Variants in JPH2 observed in about 807,000 individuals in gnomAD.
The protein encoded by JPH2 is junctophilin 2, also known as junctophilin-2.
In JPH2, 38 loss-of-function variants were observed where a neutral mutation model predicts 55.9. The ratio of observed to expected loss-of-function variants is 0.68; its 90% confidence interval spans 0.52 to 0.89. The LOEUF (loss-of-function observed/expected upper bound fraction) is 0.89. Among genes scored for constraint, JPH2 ranks in the 40% least tolerant of loss-of-function variants. The pLI, the probability that JPH2 is intolerant of heterozygous loss-of-function variation, is 0.00. For synonymous variants in JPH2, 480 were observed against 472.4 expected (o/e 1.02, Z -0.21); for missense variants, 964 against 1,037.6 (o/e 0.93, Z 0.97).
In JPH2 at chr20:44,160,098, A is replaced by T; in HGVS notation, c.689T>A (p.Leu230Gln). 1 of 1,528,836 alleles carries T rather than the reference A, an allele frequency of 6.5e-7. No individual in the cohort carries two copies. The highest frequency in any genetic ancestry group is 8.7e-7 in the Non-Finnish European group (1 of 1,142,932). The allele number at this position is 1,528,836 out of a possible 1,614,324, so 94.7% of individuals were successfully genotyped here. A position where few individuals can be genotyped will look rare whatever the true frequency, so the allele number is the denominator to read the frequency against. The part of the protein sequence containing the change: ...LFQRGALLGK[L>Q]RRAESRTSVG... ...GGACGTGCGCGACTCTGCGCGCCGCAGCTTGCCCAGCAGCGCGCCCCGCTG... is the reference window on the plus strand; with the variant it reads ...GGACGTGCGCGACTCTGCGCGCCGCTGCTTGCCCAGCAGCGCGCCCCGCTG... Residue 230 changes from leucine to glutamine, a missense_variant, in exon 2 of 6, where the codon CTG becomes CAG. Transcript: ENST00000372980. This position sits in a 1 kb window ranked among gnomAD's most constrained non-coding sequence, Gnocchi z 4.9.
intron 4 of JPH2, 61 bp from the exon 5 acceptor site, chr20:44,114,937 G>A: frequency 1.5e-6 from 2 of 1,336,244 alleles, no homozygotes; most frequent in South Asian, 1.2e-5. Context: ...CCCCCACCCA[G>A]GTCACAGCAA....
intron 2 of JPH2, among the ~76,000 whole-genome samples, chr20:44,132,353 CAGA>C (rs1156476904): frequency 1.1e-4 from 10 of 90,746 alleles, no homozygotes; most frequent in African/African-American, 2.3e-4. Flanking sequence ...GGCAGACAGA[CAGA>C]CACACACACA....
intron 2 of JPH2, among the ~76,000 whole-genome samples, chr20:44,128,860 A>G (rs6031407): frequency 0.58 from 87,394 of 151,886 alleles, 25,465 homozygotes; most frequent in South Asian, 0.69. Flanking sequence ...TTAACATGGT[A>G]GTGTATTCCA....
At chr20:44,134,649 T>TATTTATAAA (rs2072385658) in intron 2 of JPH2, among the ~76,000 whole-genome samples, 1 of 39,308 alleles carries the variant, frequency 2.5e-5, no homozygotes, top group Non-Finnish European at 4.0e-5. Context: ...ATATAAATAT[T>TATTTATAAA]TATTATAAAT....
chr20:44,176,940 C>A, intron 1 of JPH2: 1 of 985,486 alleles, frequency 1.0e-6, no homozygotes, highest in Non-Finnish European at 1.2e-6. Flanking sequence ...CCAGCTCTAC[C>A]CCATCCACAG....
chr20:44,120,932 G>C (rs769482611), intron 2 of JPH2, among the ~76,000 whole-genome samples: 9 of 152,202 alleles, frequency 5.9e-5, no homozygotes, highest in Non-Finnish European at 1.2e-4. Flanking sequence ...ACTGAGGACA[G>C]AGACTCTGTG....
rs551074442 is a variant in JPH2, at chr20:44,155,943, C to A, written c.1169+3675G>T. On this transcript the variant is annotated intron_variant, in intron 2 of 5. Coordinates refer to ENST00000372980, the MANE Select transcript of JPH2 (RefSeq NM_020433.5). ...CCCAGCTACTTTGGTGACTGAGGCA[C>A]AAGAATCACTTGAATCCAGGAGATG... 1.1e-4 allele frequency among the ~76,000 whole-genome samples: 17 copies of A among 150,240 alleles called. No homozygotes were observed. In the South Asian group the frequency reaches 3.6e-3, roughly 31 times the overall value.
At chr20:44,167,394 A>T (rs796253830) in intron 1 of JPH2, among the ~76,000 whole-genome samples, 9 of 152,288 alleles carry the variant, frequency 5.9e-5, no homozygotes, top group African/African-American at 2.2e-4. Context: ...TCTTTTCCTG[A>T]ATGACACTCT....
intron 4 of JPH2, among the ~76,000 whole-genome samples, chr20:44,115,127 A>C (rs1343094106): frequency 2.0e-5 from 3 of 152,156 alleles, no homozygotes; most frequent in African/African-American, 7.2e-5. Context: ...TAGTGTGTGA[A>C]TCAGGCCTGG....
chr20:44,114,485 C>T (rs2072170973), intron 5 of JPH2, among the ~76,000 whole-genome samples: 2 of 151,856 alleles, frequency 1.3e-5, no homozygotes, highest in Non-Finnish European at 2.9e-5. Context: ...TACATGTTGG[C>T]CAAATGAATG....
In JPH2 at chr20:44,108,377, T is replaced by C. The variant is rs1444031151; in HGVS notation, c.*5141A>G. On this transcript the variant is annotated 3_prime_UTR_variant, in exon 6 of 6. Transcript: ENST00000372980. ...TCTGTGAGTCTTTCTAGTGAATTATTGAGTATGAGGATAATCATAGGAACC... is the reference window on the plus strand; with the variant it reads ...TCTGTGAGTCTTTCTAGTGAATTATCGAGTATGAGGATAATCATAGGAACC... Among the ~76,000 whole-genome samples the C allele has an allele frequency of 6.6e-6, 1 of 151,880 alleles. No homozygotes were observed.
intron 2 of JPH2, among the ~76,000 whole-genome samples, chr20:44,158,088 C>T (rs1434375846): frequency 6.6e-6 from 1 of 152,178 alleles, no homozygotes; most frequent in Non-Finnish European, 1.5e-5. Context: ...CAGTGACTGG[C>T]ACATAGAGAA....
intron 2 of JPH2, among the ~76,000 whole-genome samples, chr20:44,120,450 G>A (rs2072227409): frequency 6.6e-6 from 1 of 152,164 alleles, no homozygotes; most frequent in South Asian, 2.1e-4. Flanking sequence ...GCCAGGCATG[G>A]TTCTAAAGGA....
Position 44,159,482 on chromosome 20 carries a change from T to C in JPH2, c.1169+136A>G. The C allele has an allele frequency of 1.1e-6, 1 of 893,640 alleles. No individual in the cohort carries two copies. The highest frequency in any genetic ancestry group is 1.7e-6 in the Non-Finnish European group (1 of 584,084). The allele number at this position is 893,640 out of a possible 1,614,324, so 55.4% of individuals were successfully genotyped here. On this transcript the variant is annotated intron_variant, in intron 2 of 5. Transcript: ENST00000372980. This position sits in a 1 kb window ranked among gnomAD's most constrained non-coding sequence, Gnocchi z 5.7. ...AGGAGCCACCAGCTCCCGAAGAGCCTCCAATTAACCCCTGAAGGTGATGGG... is the reference window on the plus strand; with the variant it reads ...AGGAGCCACCAGCTCCCGAAGAGCCCCCAATTAACCCCTGAAGGTGATGGG...
In JPH2 at chr20:44,146,277, CCCT is replaced by C. The variant is rs200603356; in HGVS notation, c.1169+13338_1169+13340del. ...CTCGATCTCCTGACCTTGTGATCTG[CCCT>C]CCTCAGCCTCCCAGAGTACTGGGAT... On this transcript the variant is annotated intron_variant, in intron 2 of 5. Transcript: ENST00000372980. 6.9e-3 allele frequency among the ~76,000 whole-genome samples: 1,055 copies of C among 152,186 alleles called. 21 individuals are homozygous for C. Among genetic ancestry groups the C allele is most frequent in the African/African-American group, 0.024 (996 of 41,518 alleles).
At chr20:44,144,329 T>C (rs2072478858) in intron 2 of JPH2, among the ~76,000 whole-genome samples, 1 of 152,122 alleles carries the variant, frequency 6.6e-6, no homozygotes, top group Non-Finnish European at 1.5e-5. Flanking sequence ...AGAACGATGA[T>C]GAAACTGCCC....
intron 2 of JPH2, among the ~76,000 whole-genome samples, chr20:44,121,846 A>G (rs1238733676): frequency 6.6e-6 from 1 of 151,924 alleles, no homozygotes; most frequent in African/African-American, 2.4e-5. Flanking sequence ...AAAAAAAATT[A>G]GCCAGGTGTG....
At chr20:44,156,368 T>G (rs143525359) in intron 2 of JPH2, among the ~76,000 whole-genome samples, 7 of 152,352 alleles carry the variant, frequency 4.6e-5, no homozygotes, top group African/African-American at 1.7e-4. Flanking sequence ...CCTAAAAGTT[T>G]TATTTTTAAA....
chr20:44,181,442 A>G (rs1479963978), intron 1 of JPH2, among the ~76,000 whole-genome samples: 1 of 152,170 alleles, frequency 6.6e-6, no homozygotes, highest in Non-Finnish European at 1.5e-5. Flanking sequence ...ATACTCCGAT[A>G]CTTTTCTATT....
Sources: allele counts gnomAD v4.1 joint callset (sites outside exome capture counted in the v4.1 genomes callset), GRCh38; gene constraint gnomAD v4.1.1; non-coding constraint Gnocchi (gnomAD v3.1); transcripts MANE v1.5; gene names NCBI Gene and HGNC (gene_info 2026-07-23, HGNC 2026-07-21).